The following TMEM116 variants were observed in gnomAD, a reference collection of about 807,000 sequenced individuals.
TMEM116 encodes transmembrane protein 116.
A neutral mutation model predicts 44.3 loss-of-function variants in TMEM116; 38 were observed. The ratio of observed to expected loss-of-function variants is 0.86; its 90% CI spans 0.66 to 1.12. TMEM116 has a LOEUF of 1.12. Among genes scored for constraint, TMEM116 ranks in the 50% most tolerant of loss-of-function variants. The pLI, the probability that TMEM116 is intolerant of heterozygous loss-of-function variation, is 0.00. For synonymous variants in TMEM116, 132 were observed against 144.8 expected (o/e 0.91, Z 0.64); for missense variants, 354 against 401.7 (o/e 0.88, Z 1.01).
At chr12:111,952,190 C>G (rs970262667) in intron 4 of TMEM116, among the ~76,000 whole-genome samples, 10 of 152,140 alleles carry the variant, frequency 6.6e-5, no homozygotes, top group African/African-American at 2.4e-4. Flanking sequence ...GATTGAGCCA[C>G]TGCACTCCAG....
chr12:111,998,465 G>A (rs937225136), intron 3 of TMEM116, among the ~76,000 whole-genome samples: 1 of 152,212 alleles, frequency 6.6e-6, no homozygotes, highest in Non-Finnish European at 1.5e-5. Context: ...AATCCCTGGA[G>A]AAGAAAAGCA....
chr12:111,957,834 AGG>A (rs977352425), intron 4 of TMEM116, among the ~76,000 whole-genome samples: 4 of 152,226 alleles, frequency 2.6e-5, no homozygotes, highest in African/African-American at 9.6e-5. Flanking sequence ...TGAATAGAAA[AGG>A]GGGAAATGTG....
chr12:111,974,116 T>G (rs1030147916), intron 4 of TMEM116, among the ~76,000 whole-genome samples: 23 of 151,370 alleles, frequency 1.5e-4, no homozygotes, highest in African/African-American at 5.6e-4. Flanking sequence ...TGGAAAAATA[T>G]AACATCCATT....
In TMEM116 at chr12:111,943,262, T is replaced by TA. The variant is rs2073012838; in HGVS notation, c.315+2dup. The TA allele has an allele frequency of 1.2e-6, 2 of 1,608,148 alleles. No individual in the cohort carries two copies. Among genetic ancestry groups the TA allele is most frequent in the Non-Finnish European group, 1.7e-6 (2 of 1,174,586 alleles). Reference sequence around the variant, plus strand: ...TTAACTATCAGCCCTGAATAAAACTTACCAGTGGAGATGTGCTCTGTCCAC... The same window carrying TA: ...TTAACTATCAGCCCTGAATAAAACTTAACCAGTGGAGATGTGCTCTGTCCAC... On this transcript the variant is annotated splice_region_variant and intron_variant, in intron 5 of 10. Transcript: ENST00000552374.
At chr12:112,000,980 G>A (rs1251719886) in intron 3 of TMEM116, 1 of 271,630 alleles carries the variant, frequency 3.7e-6, no homozygotes. Flanking sequence ...ACAAGGTAAA[G>A]GCCATGACCA....
chr12:111,991,734 C>T (rs1398039215), intron 4 of TMEM116, 24 bp downstream of exon 4: 30 of 1,531,054 alleles, frequency 2.0e-5, no homozygotes, highest in Non-Finnish European at 2.4e-5. Flanking sequence ...TTGCAAGGTG[C>T]AGTGACAGTC....
intron 3 of TMEM116, among the ~76,000 whole-genome samples, chr12:112,000,533 T>C (rs75878429): frequency 2.0e-5 from 3 of 150,552 alleles, no homozygotes; most frequent in Admixed American, 6.6e-5. Context: ...TTTTTTTCTT[T>C]TTTTTTTTTT....
At chr12:112,010,646 T>C (rs1320542809) in intron 1 of TMEM116, 1 of 152,392 alleles carries the variant, frequency 6.6e-6, no homozygotes, top group African/African-American at 2.4e-5. Context: ...CCACAGGTTG[T>C]CTCTGCAGCT....
At chr12:111,942,531 C>G (rs1593302832) in intron 5 of TMEM116, among the ~76,000 whole-genome samples, 1 of 152,118 alleles carries the variant, frequency 6.6e-6, no homozygotes, top group East Asian at 1.9e-4. Context: ...CTTGGCCTCC[C>G]TAAGTGCTGA....
chr12:111,972,816 C>T (rs1450012902), intron 4 of TMEM116, among the ~76,000 whole-genome samples: 1 of 152,076 alleles, frequency 6.6e-6, no homozygotes, highest in Non-Finnish European at 1.5e-5. Context: ...GAGGAGGTTG[C>T]AGTGAGCTGA....
chr12:111,958,133 CTGCGG>C (rs1411805809), intron 4 of TMEM116, among the ~76,000 whole-genome samples: 1 of 151,950 alleles, frequency 6.6e-6, no homozygotes. Context: ...GACACAAACA[CTGCGG>C]AAGGCGGCAG....
At chr12:111,938,117 A>C in intron 6 of TMEM116, 44 bp downstream of exon 6, 1 of 1,384,590 alleles carries the variant, frequency 7.2e-7, no homozygotes, top group South Asian at 1.3e-5. Flanking sequence ...ACACCAGAAT[A>C]ATGAGAGTCT....
chr12:111,996,305 C>T (rs1437447303), intron 3 of TMEM116, among the ~76,000 whole-genome samples: 1 of 151,828 alleles, frequency 6.6e-6, no homozygotes, highest in Admixed American at 6.6e-5. Flanking sequence ...ATTTGTAACA[C>T]ATATAACTGA....
At chr12:111,999,608 AT>A (rs1468325597) in intron 3 of TMEM116, among the ~76,000 whole-genome samples, 1 of 151,874 alleles carries the variant, frequency 6.6e-6, no homozygotes. Flanking sequence ...CAAAAAAAAA[AT>A]AAAATAAATT....
rs566765607 is a variant in TMEM116 at position 111,984,398 on chromosome 12, GGAGGATGGTACCA to G, written c.210+7347_210+7359del. On this transcript the variant is annotated intron_variant, in intron 4 of 10. Coordinates refer to ENST00000552374, the MANE Select transcript of TMEM116 (RefSeq NM_001193531.2). ...ATTGAACTCATGGACATAAAGAGTA[GGAGGATGGTACCA>G]GAAGCTGGGAGGGGTAGTGGAAAAG... Among the ~76,000 whole-genome samples, 25 of 152,266 alleles carry G rather than the reference GGAGGATGGTACCA, an allele frequency of 1.6e-4. No individual in the cohort carries two copies. The South Asian group carries it at 5.2e-3, about 32-fold the overall frequency.
intron 4 of TMEM116, chr12:111,978,911 C>A: frequency 4.6e-6 from 1 of 217,428 alleles, no homozygotes; most frequent in Non-Finnish European, 9.9e-6. Flanking sequence ...GGATCAAAAG[C>A]AATTCACTGG....
At chr12:111,977,034 A>T (rs2075705910) in intron 4 of TMEM116, among the ~76,000 whole-genome samples, 1 of 152,176 alleles carries the variant, frequency 6.6e-6, no homozygotes, top group East Asian at 1.9e-4. Context: ...AAAGAGCAAA[A>T]GAAACATAAG....
At chr12:111,940,525 A>G (rs200444668) in intron 5 of TMEM116, among the ~76,000 whole-genome samples, 1,036 of 84,702 alleles carry the variant, frequency 0.012, 7 homozygotes, top group African/African-American at 0.027. Context: ...ATATATGTGT[A>G]TATATATATA....
chr12:112,009,407 C>A (rs2077732037), intron 1 of TMEM116, among the ~76,000 whole-genome samples: 1 of 152,016 alleles, frequency 6.6e-6, no homozygotes, highest in African/African-American at 2.4e-5. Context: ...GATGTGAAAT[C>A]TGCAAACCAA....
Sources: gnomAD v4.1 joint callset for allele counts (sites outside exome capture counted in the v4.1 genomes callset) on GRCh38, gnomAD v4.1.1 for gene constraint, MANE v1.5 for transcripts, NCBI Gene and HGNC (gene_info 2026-07-23, HGNC 2026-07-21) for gene names.